DIP2B: variants seen among roughly 807,000 people sequenced by gnomAD.
DIP2B encodes disco-interacting protein 2 homolog B.
DIP2B carries 76 observed loss-of-function variants against 198.0 expected under a neutral mutation model. The ratio of observed to expected loss-of-function variants is 0.38; its 90% CI spans 0.32 to 0.46. DIP2B has a LOEUF of 0.46. DIP2B is among the 20% of genes least tolerant of loss of function. The pLI is 0.99. For synonymous variants in DIP2B, 701 were observed against 739.1 expected (o/e 0.95, Z 0.84); for missense variants, 1,559 against 1,978.4 (o/e 0.79, Z 4.02).
chr12:50,648,622 C>T (rs1938393412), intron 3 of DIP2B, among the ~76,000 whole-genome samples: 1 of 151,612 alleles, frequency 6.6e-6, no homozygotes, highest in African/African-American at 2.4e-5. Flanking sequence ...CTCGGCCTCC[C>T]AAAGTGCTGG....
chr12:50,564,111 TGG>T lies in DIP2B; in HGVS notation c.100+58873_100+58874del, dbSNP rs765282657. Among the ~76,000 whole-genome samples the T allele has an allele frequency of 6.1e-5, 9 of 146,772 alleles. 1 individual carries two copies. The highest frequency in any genetic ancestry group is 3.5e-4 in the Admixed American group (5 of 14,272). On this transcript the variant is annotated intron_variant, in intron 1 of 37. Transcript: ENST00000301180. ...ATGCAGTTTTGTAAATATGTAGTGC[TGG>T]GTTCTTGCGTGTGTGTGTGTGTGTG...
chr12:50,728,509 A>G, intron 29 of DIP2B, 39 bp from the exon 30 acceptor site: 1 of 1,595,010 alleles, frequency 6.3e-7, no homozygotes, highest in Non-Finnish European at 8.6e-7. Flanking sequence ...TGCCTGTGGG[A>G]TAACAGTCCC....
At chr12:50,725,675 TGTCA>T (rs1489949850) in intron 28 of DIP2B, among the ~76,000 whole-genome samples, 2 of 152,310 alleles carry the variant, frequency 1.3e-5, no homozygotes, top group African/African-American at 4.8e-5. Context: ...CCTTATGATA[TGTCA>T]GTCATTTAAT....
intron 1 of DIP2B, among the ~76,000 whole-genome samples, chr12:50,565,248 C>T (rs570208565): frequency 2.6e-5 from 4 of 152,032 alleles, no homozygotes; most frequent in East Asian, 1.9e-4. Flanking sequence ...CTGCCTGCCT[C>T]AGCCTCCCAA....
intron 1 of DIP2B, among the ~76,000 whole-genome samples, chr12:50,552,270 CTTT>C (rs36028157): frequency 3.6e-5 from 5 of 139,978 alleles, no homozygotes; most frequent in Admixed American, 1.4e-4. Flanking sequence ...TATAGGAGTT[CTTT>C]TTTTTTTTTT....
intron 7 of DIP2B, among the ~76,000 whole-genome samples, chr12:50,677,848 C>T (rs1938974184): frequency 6.6e-6 from 1 of 151,762 alleles, no homozygotes; most frequent in Non-Finnish European, 1.5e-5. Context: ...GCACTACAGC[C>T]AGTAAGGGGA....
chr12:50,695,993 G>C (rs1225909171), intron 16 of DIP2B, 26 bp downstream of exon 16: 9 of 1,613,546 alleles, frequency 5.6e-6, no homozygotes, highest in Non-Finnish European at 7.6e-6. Flanking sequence ...TTGTGGATCT[G>C]GGAATATCCT....
At chr12:50,645,837 A>G (rs191654206) in intron 3 of DIP2B, among the ~76,000 whole-genome samples, 40 of 152,172 alleles carry the variant, frequency 2.6e-4, no homozygotes, top group African/African-American at 9.4e-4. Context: ...TATGTTTATA[A>G]TTGTAATATT....
intron 1 of DIP2B, among the ~76,000 whole-genome samples, chr12:50,530,656 G>A (rs1455530668): frequency 1.3e-5 from 2 of 152,194 alleles, no homozygotes; most frequent in Non-Finnish European, 2.9e-5. Flanking sequence ...AGTAGGATTA[G>A]GGAAGAGGGA....
chr12:50,576,651 T>C (rs536831850), intron 1 of DIP2B, among the ~76,000 whole-genome samples: 3 of 151,806 alleles, frequency 2.0e-5, no homozygotes, highest in South Asian at 4.2e-4. Context: ...GCTAATTTTT[T>C]GTATTTTTTT....
chr12:50,615,920 C>T (rs1937693128), intron 1 of DIP2B, among the ~76,000 whole-genome samples: 1 of 152,216 alleles, frequency 6.6e-6, no homozygotes, highest in East Asian at 1.9e-4. Context: ...CCCTTTGACA[C>T]CTCAGGTCAT....
At chr12:50,591,881 GTTT>G (rs200971587) in intron 1 of DIP2B, among the ~76,000 whole-genome samples, 1 of 139,684 alleles carries the variant, frequency 7.2e-6, no homozygotes. Context: ...ATTTTTGTGT[GTTT>G]TTTTTTTTTT....
intron 3 of DIP2B, among the ~76,000 whole-genome samples, chr12:50,650,392 G>T (rs58943330): frequency 0.07 from 10,608 of 152,134 alleles, 745 homozygotes; most frequent in East Asian, 0.32. Context: ...GTAACTGTAC[G>T]CATGTTATTG....
At chr12:50,522,479 A>T (rs1347533867) in intron 1 of DIP2B, among the ~76,000 whole-genome samples, 1 of 152,110 alleles carries the variant, frequency 6.6e-6, no homozygotes, top group African/African-American at 2.4e-5. Flanking sequence ...ACACACACTC[A>T]CTTAGACTGG....
chr12:50,552,786 T>C (rs1010295989), intron 1 of DIP2B, among the ~76,000 whole-genome samples: 1 of 152,258 alleles, frequency 6.6e-6, no homozygotes, highest in Non-Finnish European at 1.5e-5. Flanking sequence ...TTTAAAGTTC[T>C]TTTTTAAACG....
intron 1 of DIP2B, among the ~76,000 whole-genome samples, chr12:50,526,991 A>C (rs1958172510): frequency 6.6e-6 from 1 of 152,140 alleles, no homozygotes; most frequent in Admixed American, 6.6e-5. Context: ...CTAAAGCATA[A>C]GTTAATTAGG....
chr12:50,675,718 A>G (rs981233467), intron 7 of DIP2B, among the ~76,000 whole-genome samples: 7 of 152,208 alleles, frequency 4.6e-5, no homozygotes, highest in Non-Finnish European at 1.0e-4. Context: ...TGAAATTAGG[A>G]ACTATCCCAA....
chr12:50,630,013 G>C (rs552605975), intron 2 of DIP2B, among the ~76,000 whole-genome samples: 1 of 149,722 alleles, frequency 6.7e-6, no homozygotes, highest in South Asian at 2.1e-4. Context: ...GCAGTGGCGC[G>C]ATCTCGGCTC....
intron 30 of DIP2B, among the ~76,000 whole-genome samples, chr12:50,730,750 G>A (rs1940028186): frequency 6.6e-6 from 1 of 152,148 alleles, no homozygotes; most frequent in Non-Finnish European, 1.5e-5. Flanking sequence ...CTTTGTAAAT[G>A]TTGTTCCTCT....
Sources: allele counts gnomAD v4.1 joint callset (sites outside exome capture counted in the v4.1 genomes callset), GRCh38; gene constraint gnomAD v4.1.1; transcripts MANE v1.5; gene names NCBI Gene and HGNC (gene_info 2026-07-23, HGNC 2026-07-21).